The following SSPN variants were observed in gnomAD, a reference collection of about 807,000 sequenced individuals.
The protein encoded by SSPN is K-ras oncogene-associated protein.
A neutral mutation model predicts 19.1 loss-of-function variants in SSPN; 15 were observed. The ratio of observed to expected loss-of-function variants is 0.78; its 90% confidence interval spans 0.52 to 1.21. The LOEUF (loss-of-function observed/expected upper bound fraction) is 1.21, where lower values mean the gene tolerates loss of function less well. Ranked by LOEUF, SSPN falls within the 50% of genes most tolerant of loss-of-function variation. The probability of loss-of-function intolerance (pLI) is 0.00; values close to 1 mark genes in which losing one functional copy is unlikely to be tolerated. For missense variants in SSPN, 291 were observed against 314.0 expected, an observed-to-expected ratio of 0.93 and a Z score of 0.55; for synonymous variants, 147 against 140.3, an observed-to-expected ratio of 1.05 and a Z score of -0.34.
At chr12:26,183,138 AG>A (rs1944730688) in intron 1 of SSPN, among the ~76,000 whole-genome samples, 1 of 152,188 alleles carries the variant, frequency 6.6e-6, no homozygotes, top group African/African-American at 2.4e-5. Context: ...AATTTCCTGA[AG>A]AAGGTCTAAG....
intron 1 of SSPN, among the ~76,000 whole-genome samples, chr12:26,130,644 G>A (rs192415562): frequency 6.6e-6 from 1 of 152,188 alleles, no homozygotes; most frequent in East Asian, 1.9e-4. Context: ...ATTAGTTAAG[G>A]TCTGCATTTC....
intron 1 of SSPN, among the ~76,000 whole-genome samples, chr12:26,199,563 G>A (rs998835784): frequency 6.6e-6 from 1 of 152,220 alleles, no homozygotes; most frequent in Non-Finnish European, 1.5e-5. Flanking sequence ...CTAGGACAGA[G>A]AAGTGTGTTC....
At chr12:26,162,266 C>T (rs1944594075) in intron 1 of SSPN, among the ~76,000 whole-genome samples, 1 of 152,154 alleles carries the variant, frequency 6.6e-6, no homozygotes, top group Non-Finnish European at 1.5e-5. Context: ...CCAGATTCAC[C>T]TATGCAGTTA....
chr12:26,176,883 T>C (rs1944687419), intron 1 of SSPN, among the ~76,000 whole-genome samples: 4 of 152,206 alleles, frequency 2.6e-5, no homozygotes, highest in Admixed American at 2.6e-4. Context: ...TCTTCCTCCA[T>C]CAGTCCATTA....
intron 1 of SSPN, among the ~76,000 whole-genome samples, chr12:26,161,735 G>A (rs961130311): frequency 2.0e-5 from 3 of 152,158 alleles, no homozygotes; most frequent in Non-Finnish European, 1.5e-5. Flanking sequence ...ACATGGTGTG[G>A]GGGATGGTTT....
chr12:26,211,917 A>T (rs920873114), intron 1 of SSPN, among the ~76,000 whole-genome samples: 1 of 152,216 alleles, frequency 6.6e-6, no homozygotes, highest in African/African-American at 2.4e-5. Flanking sequence ...GAAAGCATGT[A>T]TCTAGCCATA....
intron 1 of SSPN, among the ~76,000 whole-genome samples, chr12:26,186,452 T>C (rs575159146): frequency 5.9e-5 from 9 of 152,354 alleles, no homozygotes; most frequent in African/African-American, 1.9e-4. Flanking sequence ...ATATGCCAAA[T>C]TGCAAAAGCA....
intron 1 of SSPN, chr12:26,122,496 G>C: frequency 6.1e-6 from 8 of 1,320,704 alleles, no homozygotes; most frequent in Non-Finnish European, 7.8e-6. Flanking sequence ...GGCGGCCGCG[G>C]GCTGCGGGAA....
intron 1 of SSPN, 114 bp downstream of exon 1, chr12:26,196,065 A>G: frequency 2.2e-6 from 2 of 922,664 alleles, no homozygotes; most frequent in Non-Finnish European, 3.0e-6. Context: ...TCACTCTTCT[A>G]ACTCGCGCTC....
rs568405799 is a variant in SSPN at position 26,231,894 on chromosome 12, T to C, written c.*818T>C. ...TGTTAATTATAATTATGCTCAGAAGTCTATTTAATGAGCTCTGACTGTACT... is the reference window on the plus strand; with the variant it reads ...TGTTAATTATAATTATGCTCAGAAGCCTATTTAATGAGCTCTGACTGTACT... On this transcript the variant is annotated 3_prime_UTR_variant, in exon 3 of 3. Coordinates refer to ENST00000242729, the MANE Select transcript of SSPN (RefSeq NM_005086.5). 4.0e-4 allele frequency: 386 copies of C among 955,522 alleles called. No individual in the cohort carries two copies. The highest frequency in any genetic ancestry group is 3.2e-3 in the Middle Eastern group (6 of 1,860). 59.2% of individuals were successfully genotyped at this position (955,522 alleles called of 1,614,324 possible).
intron 1 of SSPN, among the ~76,000 whole-genome samples, chr12:26,186,198 G>C (rs1414568387): frequency 1.0e-5 from 1 of 97,720 alleles, no homozygotes; most frequent in African/African-American, 6.7e-5. Context: ...ACTGCATCAG[G>C]AATGTTAAAA....
chr12:26,198,149 TGA>T (rs1944846187), intron 1 of SSPN, among the ~76,000 whole-genome samples: 1 of 149,850 alleles, frequency 6.7e-6, no homozygotes, highest in East Asian at 2.0e-4. Context: ...CACTGTGTGC[TGA>T]ATAACTTTGA....
At chr12:26,228,679 A>T (rs1323946465) in intron 2 of SSPN, among the ~76,000 whole-genome samples, 1 of 152,038 alleles carries the variant, frequency 6.6e-6, no homozygotes, top group South Asian at 2.1e-4. Context: ...CACACAGAAC[A>T]TGGTCAAGAC....
chr12:26,124,539 T>G (rs1565665799), intron 1 of SSPN: 2 of 1,614,056 alleles, frequency 1.2e-6, no homozygotes, highest in African/African-American at 2.7e-5. Flanking sequence ...TCTCGTTTCA[T>G]GCTCCTTTTG....
chr12:26,226,355 C>A (rs749690689), intron 2 of SSPN, among the ~76,000 whole-genome samples: 2 of 152,118 alleles, frequency 1.3e-5, no homozygotes, highest in Non-Finnish European at 2.9e-5. Flanking sequence ...GGGACCCTGG[C>A]CTAAGCTTTG....
At chr12:26,137,657 T>TATATATATATATATATATATATATATATA (rs35203550) in intron 1 of SSPN, among the ~76,000 whole-genome samples, 1 of 32,176 alleles carries the variant, frequency 3.1e-5, no homozygotes, top group Non-Finnish European at 5.0e-5. Context: ...TATATATATA[T>TATATATATATATATATATATATATATATA]TTTTTTTTTT....
At chr12:26,213,611 T>C (rs981518620) in intron 1 of SSPN, among the ~76,000 whole-genome samples, 1 of 152,120 alleles carries the variant, frequency 6.6e-6, no homozygotes, top group Non-Finnish European at 1.5e-5. Context: ...AATTCTTAGA[T>C]ACTTATAGTG....
At chr12:26,159,621 C>G (rs1944575956) in intron 1 of SSPN, among the ~76,000 whole-genome samples, 1 of 152,086 alleles carries the variant, frequency 6.6e-6, no homozygotes. Context: ...CAATCTGCAC[C>G]CATTCATGAG....
chr12:26,168,340 G>T (rs1944633845), intron 1 of SSPN, among the ~76,000 whole-genome samples: 1 of 152,092 alleles, frequency 6.6e-6, no homozygotes, highest in Non-Finnish European at 1.5e-5. Flanking sequence ...AAGGAAAGAT[G>T]AACAAAAGAA....
Sources: allele counts gnomAD v4.1 joint callset (sites outside exome capture counted in the v4.1 genomes callset), GRCh38; gene constraint gnomAD v4.1.1; transcripts MANE v1.5; gene names NCBI Gene and HGNC (gene_info 2026-07-23, HGNC 2026-07-21).